ASNS: variants seen among roughly 807,000 people sequenced by gnomAD.
The protein encoded by ASNS is asparagine synthetase [glutamine-hydrolyzing].
Under a neutral mutation model 62.6 loss-of-function variants are expected in ASNS, and 37 were observed. The ratio of observed to expected loss-of-function variants is 0.59; its 90% CI spans 0.45 to 0.78. ASNS has a LOEUF of 0.78. ASNS is among the 30% of genes least tolerant of loss of function. The pLI is 0.00. For missense variants in ASNS, 520 were observed against 682.4 expected (o/e 0.76, Z 2.65); for synonymous variants, 207 against 237.9 (o/e 0.87, Z 1.19).
the ASNS span, among the ~76,000 whole-genome samples, chr7:97,914,375 G>A: frequency 1.3e-5 from 2 of 152,152 alleles, no homozygotes; most frequent in Non-Finnish European, 2.9e-5. Flanking sequence ...AGCCTTAGTC[G>A]CCACTCTCGG....
chr7:97,884,784 C>T, the ASNS span, among the ~76,000 whole-genome samples: 1 of 152,186 alleles, frequency 6.6e-6, no homozygotes, highest in Admixed American at 6.5e-5. Flanking sequence ...TCAATGGTTT[C>T]AGTGCATTCA....
chr7:97,926,494 C>T, the ASNS span, among the ~76,000 whole-genome samples: 1 of 152,272 alleles, frequency 6.6e-6, no homozygotes, highest in South Asian at 2.1e-4. Context: ...GAAATCACTG[C>T]TGATCCTCAC....
At chr7:97,886,200 G>A in the ASNS span, 1 of 253,818 alleles carries the variant, frequency 3.9e-6, no homozygotes, top group Non-Finnish European at 7.8e-6. Flanking sequence ...CAGGCTGGAG[G>A]GCAGTGGCAT....
chr7:97,853,017 C>T (rs749615361), intron 12 of ASNS, 43 bp downstream of exon 12: 3 of 1,498,248 alleles, frequency 2.0e-6, no homozygotes, highest in Non-Finnish European at 8.9e-7. Context: ...AGCTCTGCAT[C>T]CAAACTGTCT....
At chr7:97,910,790 C>A in the ASNS span, among the ~76,000 whole-genome samples, 1 of 152,090 alleles carries the variant, frequency 6.6e-6, no homozygotes, top group Non-Finnish European at 1.5e-5. Context: ...TTAATAGAGA[C>A]AGGGTTTCAC....
the ASNS span, among the ~76,000 whole-genome samples, chr7:97,893,203 C>G: frequency 2.0e-5 from 3 of 152,224 alleles, no homozygotes; most frequent in African/African-American, 2.4e-5. Flanking sequence ...GACTTATTCA[C>G]TATTAAAAGA....
chr7:97,899,041 T>C, the ASNS span: 2 of 657,946 alleles, frequency 3.0e-6, no homozygotes, highest in African/African-American at 3.6e-5. Context: ...CTGATCTTTC[T>C]TAGAGAATGG....
the ASNS span, among the ~76,000 whole-genome samples, chr7:97,918,804 C>T: frequency 6.6e-6 from 1 of 151,970 alleles, no homozygotes; most frequent in Non-Finnish European, 1.5e-5. Context: ...GGTGGGAGAG[C>T]GTTAGGACAA....
the ASNS span, among the ~76,000 whole-genome samples, chr7:97,927,406 G>A: frequency 6.1e-3 from 934 of 152,352 alleles, 1 homozygote; most frequent in South Asian, 0.015. Context: ...GGGGCCTGTT[G>A]ACAGATCCAT....
At chr7:97,859,499 TACAA>T in intron 4 of ASNS, 101 bp from the exon 5 acceptor site, 1 of 1,269,420 alleles carries the variant, frequency 7.9e-7, no homozygotes, top group Non-Finnish European at 1.1e-6. Context: ...CCCTTTTTAA[TACAA>T]ACACATACCC....
Position 97,864,184 on chromosome 7 carries a change from G to C in ASNS, c.487+75C>G, listed in dbSNP as rs1791850315. The C allele has an allele frequency of 3.7e-6, 5 of 1,360,788 alleles. No homozygotes were observed. The South Asian group carries it at 4.3e-5, about 12-fold the overall frequency. 84.3% of individuals were successfully genotyped at this position (1,360,788 alleles called of 1,614,324 possible). A position where few individuals can be genotyped will look rare whatever the true frequency, so the allele number is the denominator to read the frequency against. On this transcript the variant is annotated intron_variant, in intron 4 of 12. Transcript: ENST00000394308. ...TAAAATTCTGGATTGCTCTCTAAGA[G>C]ATTTTCAAATATAATTTAAAAGAAA... is the stretch of plus-strand genomic sequence containing the variant.
Position 97,851,930 on chromosome 7 carries a change from G to A in ASNS, c.*329C>T. 1 of 324,392 alleles carries A rather than the reference G, an allele frequency of 3.1e-6. No homozygotes were observed. The highest frequency in any genetic ancestry group is 3.4e-5 in the South Asian group (1 of 29,080). The allele number at this position is 324,392 out of a possible 1,614,324, so 20.1% of individuals were successfully genotyped here. On this transcript the variant is annotated 3_prime_UTR_variant, in exon 13 of 13. Transcript: ENST00000394308. Reference sequence around the variant, plus strand: ...GATGACGTCCCTAAGATGAGGCAAGGACTGGAAGGAAGCCACACGGGCACA... The same window carrying A: ...GATGACGTCCCTAAGATGAGGCAAGAACTGGAAGGAAGCCACACGGGCACA...
At chr7:97,892,496 T>C in the ASNS span, among the ~76,000 whole-genome samples, 18 of 152,198 alleles carry the variant, frequency 1.2e-4, no homozygotes, top group African/African-American at 3.9e-4. Context: ...GCTGCAGATT[T>C]TCCAAACTTT....
At chr7:97,888,463 T>A in the ASNS span, among the ~76,000 whole-genome samples, 2 of 152,076 alleles carry the variant, frequency 1.3e-5, no homozygotes, top group African/African-American at 4.8e-5. Flanking sequence ...TTTACTGGAA[T>A]AAAACCAGGT....
chr7:97,882,341 G>A, the ASNS span, among the ~76,000 whole-genome samples: 2 of 152,110 alleles, frequency 1.3e-5, no homozygotes, highest in Non-Finnish European at 2.9e-5. Flanking sequence ...GAGGTCAGGA[G>A]ATCAAGACCA....
the ASNS span, among the ~76,000 whole-genome samples, chr7:97,882,805 G>C: frequency 6.6e-6 from 1 of 152,156 alleles, no homozygotes; most frequent in African/African-American, 2.4e-5. Flanking sequence ...GCCCAGACTG[G>C]AGCTGTGGAT....
the ASNS span, among the ~76,000 whole-genome samples, chr7:97,901,908 G>A: frequency 6.6e-6 from 1 of 152,118 alleles, no homozygotes; most frequent in Admixed American, 6.5e-5. Context: ...AACCCAGGAG[G>A]TGGAGGTTGC....
At chr7:97,892,673 C>T in the ASNS span, among the ~76,000 whole-genome samples, 1 of 152,086 alleles carries the variant, frequency 6.6e-6, no homozygotes, top group Non-Finnish European at 1.5e-5. Flanking sequence ...CAAATCTCTA[C>T]AGCAGGGGCA....
rs1562813147 is a variant in ASNS, at chr7:97,854,575, A to G, written c.1238+5T>C. 1 of 1,609,546 alleles carries G rather than the reference A, an allele frequency of 6.2e-7. No individual in the cohort carries two copies. Among genetic ancestry groups the G allele is most frequent in the Admixed American group, 1.7e-5 (1 of 59,110 alleles). On this transcript the variant is annotated splice_donor_5th_base_variant and intron_variant, in intron 10 of 12. Coordinates refer to ENST00000394308, the MANE Select transcript of ASNS (RefSeq NM_001673.5). Reference sequence around the variant, plus strand: ...TTGTTTTACAATAGCCTCTAAAAATATTACCCATGGGCAGCAGTAGTTCGA... The same window carrying G: ...TTGTTTTACAATAGCCTCTAAAAATGTTACCCATGGGCAGCAGTAGTTCGA...
Sources: allele counts gnomAD v4.1 joint callset (sites outside exome capture counted in the v4.1 genomes callset), GRCh38; gene constraint gnomAD v4.1.1; transcripts MANE v1.5; gene names NCBI Gene and HGNC (gene_info 2026-07-23, HGNC 2026-07-21).